The following DOK5 variants were observed in gnomAD, a reference collection of about 807,000 sequenced individuals.
The protein encoded by DOK5 is docking protein 5.
DOK5 carries 27 observed loss-of-function variants against 43.3 expected under a neutral mutation model. The ratio of observed to expected loss-of-function variants is 0.62; its 90% CI spans 0.46 to 0.86. The LOEUF (loss-of-function observed/expected upper bound fraction) is 0.86, where lower values mean the gene tolerates loss of function less well. Ranked by LOEUF, DOK5 falls within the 40% of genes least tolerant of loss-of-function variation. DOK5 has a pLI of 0.00. For synonymous variants in DOK5, 146 were observed against 140.1 expected, an observed-to-expected ratio of 1.04 and a Z score of -0.30; for missense variants, 373 against 392.9, an observed-to-expected ratio of 0.95 and a Z score of 0.43.
intron 6 of DOK5, among the ~76,000 whole-genome samples, chr20:54,625,053 A>T (rs1322608461): frequency 6.6e-6 from 1 of 151,584 alleles, no homozygotes; most frequent in African/African-American, 2.4e-5. Flanking sequence ...TATTTTCTTG[A>T]CAGTTTCATA....
At chr20:54,610,550 C>T (rs935790164) in intron 6 of DOK5, 27 bp downstream of exon 6, 1 of 1,432,790 alleles carries the variant, frequency 7.0e-7, no homozygotes, top group Non-Finnish European at 9.2e-7. Flanking sequence ...TTCCTCGTGT[C>T]CCAGTGCCTA....
chr20:54,609,460 T>G (rs1986573241), intron 5 of DOK5, among the ~76,000 whole-genome samples: 1 of 151,974 alleles, frequency 6.6e-6, no homozygotes, highest in Non-Finnish European at 1.5e-5. Flanking sequence ...TAAAAATATT[T>G]ATAATAATTA....
chr20:54,610,694 GT>G (rs1374383564), intron 6 of DOK5, among the ~76,000 whole-genome samples, 171 bp downstream of exon 6: 4 of 152,194 alleles, frequency 2.6e-5, no homozygotes, highest in Non-Finnish European at 5.9e-5. Flanking sequence ...GATGTGGGCC[GT>G]TGGTAATACC....
At chr20:54,511,221 C>T (rs1243046694) in intron 1 of DOK5, among the ~76,000 whole-genome samples, 5 of 152,160 alleles carry the variant, frequency 3.3e-5, no homozygotes, top group East Asian at 1.9e-4. Context: ...TGGATGCTCA[C>T]ATTTACCCAT....
chr20:54,527,292 A>G (rs1983609244), intron 1 of DOK5, among the ~76,000 whole-genome samples: 1 of 152,092 alleles, frequency 6.6e-6, no homozygotes, highest in South Asian at 2.1e-4. Flanking sequence ...TTCCTCTACA[A>G]TTAATAGCTA....
At chr20:54,560,067 A>C (rs1150427) in intron 2 of DOK5, among the ~76,000 whole-genome samples, 1 of 152,242 alleles carries the variant, frequency 6.6e-6, no homozygotes, top group Non-Finnish European at 1.5e-5. Flanking sequence ...TAGCTTCCGC[A>C]CAATGAGCTA....
intron 6 of DOK5, among the ~76,000 whole-genome samples, chr20:54,642,096 AC>A (rs1313167146): frequency 2.6e-5 from 4 of 151,710 alleles, no homozygotes; most frequent in Non-Finnish European, 5.9e-5. Context: ...TTCCACTTGC[AC>A]CCCCATTCTT....
At chr20:54,645,925 CAAAAAA>C (rs550943378) in intron 7 of DOK5, among the ~76,000 whole-genome samples, 72 of 85,864 alleles carry the variant, frequency 8.4e-4, no homozygotes, top group African/African-American at 2.5e-3. Flanking sequence ...GCAGATGCTG[CAAAAAA>C]AAAAAAAAAA....
At chr20:54,643,324 C>A in intron 6 of DOK5, 134 bp from the exon 7 acceptor site, 1 of 1,241,120 alleles carries the variant, frequency 8.1e-7, no homozygotes, top group Non-Finnish European at 1.1e-6. Flanking sequence ...TGCCCACCAC[C>A]TTCAATCGAT....
At chr20:54,514,346 G>A (rs1248827234) in intron 1 of DOK5, among the ~76,000 whole-genome samples, 1 of 152,192 alleles carries the variant, frequency 6.6e-6, no homozygotes, top group African/African-American at 2.4e-5. Flanking sequence ...TATGTTAAGA[G>A]TTTGTAGGAG....
At chr20:54,479,157 T>C (rs1480779358) in intron 1 of DOK5, among the ~76,000 whole-genome samples, 3 of 152,208 alleles carry the variant, frequency 2.0e-5, no homozygotes, top group Non-Finnish European at 1.5e-5. Flanking sequence ...GTCACCTTCA[T>C]TTGAAATCCT....
chr20:54,540,753 G>C (rs139444503), intron 1 of DOK5, among the ~76,000 whole-genome samples: 106 of 151,948 alleles, frequency 7.0e-4, no homozygotes, highest in African/African-American at 2.5e-3. Context: ...TGAACTCCTG[G>C]CCTCCTGCAA....
At chr20:54,521,360 C>A (rs896159054) in intron 1 of DOK5, among the ~76,000 whole-genome samples, 1 of 152,124 alleles carries the variant, frequency 6.6e-6, no homozygotes, top group Non-Finnish European at 1.5e-5. Flanking sequence ...CTACTTCAGA[C>A]GCCAACCACA....
At chr20:54,640,389 AG>A (rs1282901591) in intron 6 of DOK5, among the ~76,000 whole-genome samples, 1 of 152,190 alleles carries the variant, frequency 6.6e-6, no homozygotes, top group Non-Finnish European at 1.5e-5. Flanking sequence ...GTTGATATCA[AG>A]GATAGAGGGA....
At chr20:54,574,485 C>CTG (rs570429447) in intron 2 of DOK5, among the ~76,000 whole-genome samples, 86 of 152,218 alleles carry the variant, frequency 5.6e-4, no homozygotes, top group African/African-American at 2.0e-3. Context: ...ATGAGGATGT[C>CTG]TGTGTGTACA....
intron 1 of DOK5, 113 bp downstream of exon 1, chr20:54,476,125 C>A (rs1011045775): frequency 6.4e-7 from 1 of 1,554,136 alleles, no homozygotes; most frequent in Admixed American, 2.0e-5. Flanking sequence ...GAGAATTGCG[C>A]GGTGGCTTTC....
At chr20:54,587,583 G>A (rs2146765602) in intron 2 of DOK5, among the ~76,000 whole-genome samples, 1 of 152,302 alleles carries the variant, frequency 6.6e-6, no homozygotes, top group Admixed American at 6.5e-5. Flanking sequence ...GCTTCGCTCA[G>A]GCATGACCCA....
At chr20:54,534,128 GA>G (rs1464634870) in intron 1 of DOK5, among the ~76,000 whole-genome samples, 1 of 152,178 alleles carries the variant, frequency 6.6e-6, no homozygotes, top group Non-Finnish European at 1.5e-5. Flanking sequence ...CAAACCTTGG[GA>G]ATTTGAGCTC....
At chr20:54,623,570 CT>C (rs1350503465) in intron 6 of DOK5, among the ~76,000 whole-genome samples, 2 of 151,990 alleles carry the variant, frequency 1.3e-5, no homozygotes, top group African/African-American at 4.8e-5. Context: ...GTGATTTCGT[CT>C]TTTTTTATTT....
Sources: allele counts gnomAD v4.1 joint callset (sites outside exome capture counted in the v4.1 genomes callset), GRCh38; gene constraint gnomAD v4.1.1; transcripts MANE v1.5; gene names NCBI Gene and HGNC (gene_info 2026-07-23, HGNC 2026-07-21).